Variants in ENTREP2 observed in about 807,000 individuals in gnomAD.
ENTREP2 encodes endosomal transmembrane epsin interactor 2, also known as protein ENTREP2.
the ENTREP2 span, among the ~76,000 whole-genome samples, chr15:29,338,428 AAAAAAAAAAAAAAG>A: frequency 6.7e-6 from 1 of 150,336 alleles, no homozygotes; most frequent in East Asian, 1.9e-4. Context: ...TCCATCTCAA[AAAAAAAAAAAAAAG>A]AAAAGAAAAA....
chr15:29,123,418 G>A, the ENTREP2 span: 3 of 1,551,288 alleles, frequency 1.9e-6, no homozygotes, highest in African/African-American at 4.1e-5. Context: ...CAAGCGCATG[G>A]CACCCACCAT....
chr15:29,330,533 A>C, the ENTREP2 span, among the ~76,000 whole-genome samples: 1 of 152,140 alleles, frequency 6.6e-6, no homozygotes, highest in Non-Finnish European at 1.5e-5. Context: ...CATCAGAGAA[A>C]TCCTAATAGA....
At chr15:29,457,280 G>A in the ENTREP2 span, among the ~76,000 whole-genome samples, 3 of 152,214 alleles carry the variant, frequency 2.0e-5, no homozygotes, top group Non-Finnish European at 2.9e-5. Flanking sequence ...GAGCAGGCAT[G>A]GGCCAGCTAA....
the ENTREP2 span, among the ~76,000 whole-genome samples, chr15:29,447,739 C>T: frequency 2.0e-5 from 3 of 151,988 alleles, no homozygotes; most frequent in African/African-American, 7.3e-5. Flanking sequence ...ACCTTCCCAC[C>T]TGGCTTTGAA....
At chr15:29,664,418 T>C in the ENTREP2 span, among the ~76,000 whole-genome samples, 1 of 151,912 alleles carries the variant, frequency 6.6e-6, no homozygotes. Flanking sequence ...TTTTCTGTAG[T>C]GGAAAGAGAC....
the ENTREP2 span, among the ~76,000 whole-genome samples, chr15:29,193,539 A>C: frequency 6.6e-6 from 1 of 152,044 alleles, no homozygotes; most frequent in Non-Finnish European, 1.5e-5. Context: ...AGGCCTTTTG[A>C]CTTCGACTGA....
At chr15:29,266,738 C>T in the ENTREP2 span, 1 of 152,168 alleles carries the variant, frequency 6.6e-6, no homozygotes, top group Admixed American at 6.5e-5. Flanking sequence ...ATTATAAAGT[C>T]ATACAACAGC....
chr15:29,256,871 C>T, the ENTREP2 span, among the ~76,000 whole-genome samples: 1 of 152,118 alleles, frequency 6.6e-6, no homozygotes, highest in Non-Finnish European at 1.5e-5. Flanking sequence ...ATCCTCCCAT[C>T]ATTTTTTAGT....
At chr15:29,295,043 G>A in the ENTREP2 span, among the ~76,000 whole-genome samples, 1 of 152,220 alleles carries the variant, frequency 6.6e-6, no homozygotes, top group African/African-American at 2.4e-5. Flanking sequence ...ACCATCGGGA[G>A]GGAGAAAACA....
At chr15:29,184,605 T>C in the ENTREP2 span, among the ~76,000 whole-genome samples, 1 of 152,062 alleles carries the variant, frequency 6.6e-6, no homozygotes, top group Admixed American at 6.5e-5. Flanking sequence ...GTCCGCCTCA[T>C]GGACTTCACT....
At chr15:29,324,650 T>C in the ENTREP2 span, among the ~76,000 whole-genome samples, 1 of 152,132 alleles carries the variant, frequency 6.6e-6, no homozygotes, top group Non-Finnish European at 1.5e-5. Context: ...CAAGGGAAAT[T>C]ATCAGAGGTC....
chr15:29,361,680 T>C, the ENTREP2 span, among the ~76,000 whole-genome samples: 3 of 152,304 alleles, frequency 2.0e-5, no homozygotes, highest in East Asian at 1.9e-4. Context: ...CCTCATCTCA[T>C]GGCAATTCTG....
At chr15:29,197,719 T>A in the ENTREP2 span, among the ~76,000 whole-genome samples, 1 of 150,092 alleles carries the variant, frequency 6.7e-6, no homozygotes, top group Non-Finnish European at 1.5e-5. Flanking sequence ...TGAGCTGAGA[T>A]CATGCCATTG....
the ENTREP2 span, chr15:29,614,181 T>TGTCCTCCACTG: frequency 6.5e-6 from 1 of 153,812 alleles, no homozygotes; most frequent in Non-Finnish European, 1.4e-5. Context: ...GCGGGAAGGC[T>TGTCCTCCACTG]GTCCTCCACT....
the ENTREP2 span, among the ~76,000 whole-genome samples, chr15:29,124,232 G>A: frequency 1.3e-5 from 2 of 152,306 alleles, no homozygotes; most frequent in East Asian, 1.9e-4. Context: ...CTGGGCTGAG[G>A]GTCCCTGTAA....
At chr15:29,246,549 A>C in the ENTREP2 span, among the ~76,000 whole-genome samples, 3 of 152,074 alleles carry the variant, frequency 2.0e-5, no homozygotes, top group African/African-American at 7.2e-5. Context: ...TACCAAAAAA[A>C]TGTATCTGGG....
At chr15:29,266,366 G>C in the ENTREP2 span, 1 of 152,338 alleles carries the variant, frequency 6.6e-6, no homozygotes, top group African/African-American at 2.4e-5. Context: ...TGATGGGAGT[G>C]TAACTTGACA....
At chr15:29,486,210 T>C in the ENTREP2 span, among the ~76,000 whole-genome samples, 2 of 152,080 alleles carry the variant, frequency 1.3e-5, no homozygotes, top group Non-Finnish European at 1.5e-5. Flanking sequence ...TAGAGTACTA[T>C]TCACACTTTA....
At chr15:29,578,872 C>T in the ENTREP2 span, among the ~76,000 whole-genome samples, 1 of 151,798 alleles carries the variant, frequency 6.6e-6, no homozygotes, top group African/African-American at 2.4e-5. Flanking sequence ...TGTGAAAAAC[C>T]CCTGAGAAGT....
Sources: allele counts gnomAD v4.1 joint callset (sites outside exome capture counted in the v4.1 genomes callset), GRCh38; gene constraint gnomAD v4.1.1; transcripts MANE v1.5; gene names NCBI Gene and HGNC (gene_info 2026-07-23, HGNC 2026-07-21).